DTNA: variants seen among roughly 807,000 people sequenced by gnomAD.
The protein encoded by DTNA is dystrophin-related protein 3.
DTNA carries 43 observed loss-of-function variants against 100.7 expected under a neutral mutation model. The ratio of observed to expected loss-of-function variants is 0.43; its 90% CI spans 0.33 to 0.55. The LOEUF (loss-of-function observed/expected upper bound fraction) is 0.55. DTNA is among the 20% of genes least tolerant of loss of function. The probability of loss-of-function intolerance (pLI) is 0.04; values close to 1 mark genes in which losing one functional copy is unlikely to be tolerated. For missense variants in DTNA, 798 were observed against 953.9 expected (o/e 0.84, Z 2.15); for synonymous variants, 349 against 347.9 (o/e 1.00, Z -0.04).
intron 1 of DTNA, among the ~76,000 whole-genome samples, chr18:34,498,230 A>T (rs2039476292): frequency 6.6e-6 from 1 of 152,058 alleles, no homozygotes; most frequent in African/African-American, 2.4e-5. Flanking sequence ...CCTGGCTAAC[A>T]CGGTGAAACT....
chr18:34,641,012 G>T (rs1289436062), intron 1 of DTNA, among the ~76,000 whole-genome samples: 1 of 151,944 alleles, frequency 6.6e-6, no homozygotes, highest in East Asian at 1.9e-4. Context: ...TAAACTTGGG[G>T]TAAAGACTTT....
intron 7 of DTNA, 100 bp from the exon 8 acceptor site, chr18:34,818,064 G>C (rs917945194): frequency 1.2e-6 from 2 of 1,604,522 alleles, no homozygotes; most frequent in Non-Finnish European, 1.7e-6. Flanking sequence ...TGAAATCGTG[G>C]TGCAGAGAAG....
At chr18:34,797,565 A>G (rs1281984738) in intron 4 of DTNA, among the ~76,000 whole-genome samples, 1 of 152,136 alleles carries the variant, frequency 6.6e-6, no homozygotes, top group African/African-American at 2.4e-5. Flanking sequence ...TCCATATTCT[A>G]TTGAGGAGGG....
At chr18:34,590,161 A>G (rs1357689680) in intron 1 of DTNA, among the ~76,000 whole-genome samples, 1 of 152,206 alleles carries the variant, frequency 6.6e-6, no homozygotes, top group Non-Finnish European at 1.5e-5. Flanking sequence ...TTGGCATTTA[A>G]TAAGATAATA....
intron 1 of DTNA, among the ~76,000 whole-genome samples, chr18:34,540,414 T>C (rs1165387724): frequency 6.6e-6 from 1 of 152,030 alleles, no homozygotes; most frequent in Non-Finnish European, 1.5e-5. Flanking sequence ...ATTTATATGA[T>C]TTTCATTGTA....
chr18:34,599,810 T>A (rs2051401509), intron 1 of DTNA, among the ~76,000 whole-genome samples: 1 of 152,162 alleles, frequency 6.6e-6, no homozygotes, highest in South Asian at 2.1e-4. Flanking sequence ...CCCAAGTAGC[T>A]GGGATTACAG....
chr18:34,698,450 C>T (rs928299053), intron 1 of DTNA, among the ~76,000 whole-genome samples: 1 of 152,208 alleles, frequency 6.6e-6, no homozygotes, highest in African/African-American at 2.4e-5. Flanking sequence ...TGGCTTGCAG[C>T]TGCATCACTG....
chr18:34,781,106 A>T (rs1427012116), intron 3 of DTNA, among the ~76,000 whole-genome samples: 1 of 152,194 alleles, frequency 6.6e-6, no homozygotes, highest in African/African-American at 2.4e-5. Flanking sequence ...TCTGTGTGGT[A>T]CCAGTCACGT....
chr18:34,889,030 A>G lies in DTNA; in HGVS notation c.*1296A>G, dbSNP rs2096946770. The G allele has an allele frequency of 1.0e-6, 1 of 985,856 alleles. No homozygotes were observed. The highest frequency in any genetic ancestry group is 1.2e-6 in the Non-Finnish European group (1 of 829,936). The allele number at this position is 985,856 out of a possible 1,614,324, so 61.1% of individuals were successfully genotyped here. On this transcript the variant is annotated 3_prime_UTR_variant, in exon 23 of 23. Coordinates refer to ENST00000444659, the MANE Select transcript of DTNA (RefSeq NM_001386795.1). ...AAAGACAAGAGGATAAAAGACTGGGATAGTCTTTTCCAAGGACCCTCTTTA... is the reference window on the plus strand; with the variant it reads ...AAAGACAAGAGGATAAAAGACTGGGGTAGTCTTTTCCAAGGACCCTCTTTA...
At chr18:34,534,194 C>T (rs2043447947) in intron 1 of DTNA, among the ~76,000 whole-genome samples, 1 of 151,698 alleles carries the variant, frequency 6.6e-6, no homozygotes, top group African/African-American at 2.4e-5. Flanking sequence ...TTAAAAAATA[C>T]AAAAATTAGC....
In DTNA at chr18:34,889,308, T is replaced by C. The variant is rs3133; in HGVS notation, c.*1574T>C. The C allele has an allele frequency of 0.23, 224,589 of 981,760 alleles. 29,864 individuals are homozygous for C. The highest frequency in any genetic ancestry group is 0.58 in the African/African-American group (33,314 of 57,150). 60.8% of individuals were successfully genotyped at this position (981,760 alleles called of 1,614,324 possible). On this transcript the variant is annotated 3_prime_UTR_variant, in exon 23 of 23. Transcript: ENST00000444659. ...TAGGAAGGTCTTCGAAATACTAATT[T>C]GTAAGCCCCACCTCAGGCCTACTGA...
At chr18:34,807,428 G>T (rs1209098636) in intron 5 of DTNA, among the ~76,000 whole-genome samples, 6 of 152,152 alleles carry the variant, frequency 3.9e-5, no homozygotes, top group Non-Finnish European at 8.8e-5. Context: ...ACACCTGGCT[G>T]CATGCAGCCA....
chr18:34,595,743 C>T (rs1281787765), intron 1 of DTNA, among the ~76,000 whole-genome samples: 5 of 152,090 alleles, frequency 3.3e-5, no homozygotes, highest in South Asian at 2.1e-4. Context: ...AATTAAAGAT[C>T]GTAAGAGTAA....
Position 34,768,632 on chromosome 18 carries a change from GAGA to G in DTNA, c.148+2597_148+2599del, listed in dbSNP as rs148873512. Among the ~76,000 whole-genome samples the G allele has an allele frequency of 2.6e-5, 4 of 152,278 alleles. No individual in the cohort carries two copies. In the East Asian group the frequency reaches 7.7e-4, roughly 29 times the overall value. On this transcript the variant is annotated intron_variant, in intron 3 of 22. Coordinates refer to ENST00000444659, the MANE Select transcript of DTNA (RefSeq NM_001386795.1). ...TCTTGGAATTTCTTGAAAAACAGTAGAGAAGAAGTGAGGATGCTAATCCATCCC... is the reference window on the plus strand; with the variant it reads ...TCTTGGAATTTCTTGAAAAACAGTAGAGAAGTGAGGATGCTAATCCATCCC...
At chr18:34,841,561 A>T (rs924300829) in intron 13 of DTNA, among the ~76,000 whole-genome samples, 1 of 152,168 alleles carries the variant, frequency 6.6e-6, no homozygotes, top group Non-Finnish European at 1.5e-5. Flanking sequence ...GTATTTATGA[A>T]ATGCTCCAAA....
chr18:34,582,842 A>G (rs1435540103), intron 1 of DTNA, among the ~76,000 whole-genome samples: 6 of 152,224 alleles, frequency 3.9e-5, no homozygotes, highest in African/African-American at 1.4e-4. Context: ...AAAATGATTC[A>G]AGAGAAACCT....
At chr18:34,792,395 A>G (rs1490964798) in intron 3 of DTNA, among the ~76,000 whole-genome samples, 7 of 152,234 alleles carry the variant, frequency 4.6e-5, no homozygotes, top group Admixed American at 3.9e-4. Flanking sequence ...GTCAGAAACC[A>G]TAGATCTGTT....
intron 20 of DTNA, among the ~76,000 whole-genome samples, chr18:34,880,590 G>A (rs918474924): frequency 3.9e-5 from 6 of 152,140 alleles, no homozygotes; most frequent in Non-Finnish European, 8.8e-5. Flanking sequence ...AAGTACTTCA[G>A]ACTAGTCTAT....
intron 1 of DTNA, among the ~76,000 whole-genome samples, chr18:34,647,563 A>G (rs1049039447): frequency 2.0e-4 from 31 of 152,316 alleles, no homozygotes; most frequent in African/African-American, 7.5e-4. Flanking sequence ...AGAGGAGAAC[A>G]GTCAGTGGTC....
Sources: allele counts gnomAD v4.1 joint callset (sites outside exome capture counted in the v4.1 genomes callset), GRCh38; gene constraint gnomAD v4.1.1; transcripts MANE v1.5; gene names NCBI Gene and HGNC (gene_info 2026-07-23, HGNC 2026-07-21).